Variants in KIF15 observed in about 807,000 individuals in gnomAD.
KIF15 encodes the protein kinesin-like protein KIF15.
In KIF15, 140 loss-of-function variants were observed where a neutral mutation model predicts 190.6. That is an observed-to-expected ratio of 0.73 (90% CI 0.64 to 0.84). The LOEUF (loss-of-function observed/expected upper bound fraction) is 0.84, where lower values mean the gene tolerates loss of function less well. KIF15 is among the 40% of genes least tolerant of loss of function. KIF15 has a pLI of 0.00. For synonymous variants in KIF15, 528 were observed against 551.3 expected (o/e 0.96, Z 0.59); for missense variants, 1,372 against 1,584.4 (o/e 0.87, Z 2.28).
intron 8 of KIF15, among the ~76,000 whole-genome samples, chr3:44,795,672 A>G (rs367990313): frequency 8.5e-5 from 9 of 105,348 alleles, no homozygotes; most frequent in African/African-American, 3.3e-4. Context: ...TGTATTGTCA[A>G]TATGTGTTTA....
chr3:44,779,288 C>T (rs1368276407), intron 4 of KIF15, among the ~76,000 whole-genome samples: 1 of 152,148 alleles, frequency 6.6e-6, no homozygotes, highest in Admixed American at 6.5e-5. Flanking sequence ...TAGAATCAGC[C>T]ATTTCACCAA....
chr3:44,862,103 C>G, intron 6 of KIF15: 4 of 1,254,296 alleles, frequency 3.2e-6, no homozygotes, highest in Non-Finnish European at 4.0e-6. Flanking sequence ...GCCAAGCTGG[C>G]CTTCGGCAGC....
At chr3:44,762,313 A>C (rs1705187088) in intron 1 of KIF15, among the ~76,000 whole-genome samples, 1 of 152,164 alleles carries the variant, frequency 6.6e-6, no homozygotes, top group South Asian at 2.1e-4. Context: ...GGGTTTATTT[A>C]TATTCCAAAC....
At chr3:44,866,602 A>G (rs1372285818) in intron 6 of KIF15, among the ~76,000 whole-genome samples, 1 of 152,198 alleles carries the variant, frequency 6.6e-6, no homozygotes, top group Admixed American at 6.5e-5. Context: ...CCAGGAGGCT[A>G]GGAGAGCGAA....
Position 44,813,156 on chromosome 3 carries a change from CA to C in KIF15, c.2361del (p.Glu788ArgfsTer9), listed in dbSNP as rs1235472260. The C allele has an allele frequency of 1.9e-6, 3 of 1,599,846 alleles. No homozygotes were observed. The highest frequency in any genetic ancestry group is 2.6e-6 in the Non-Finnish European group (3 of 1,173,996). On this transcript the variant is annotated frameshift_variant, in exon 19 of 35. Coordinates refer to ENST00000326047, the MANE Select transcript of KIF15 (RefSeq NM_020242.3). LOFTEE classifies it high-confidence loss of function. ...SQLNVLEKQL[Q>X]ETQTKNDFLK... ...GTTGAATGTCCTTGAAAAGCAGCTT[CA>C]AGAGACTCAAACTAAAAATGACTGT... is the stretch of plus-strand genomic sequence containing the variant.
chr3:44,821,055 T>A lies in KIF15; in HGVS notation c.2550-4984T>A, dbSNP rs6797408. 1.1e-4 allele frequency among the ~76,000 whole-genome samples: 13 copies of A among 114,562 alleles called. 1 individual carries two copies. The highest frequency in any genetic ancestry group is 4.4e-4 in the African/African-American group (12 of 27,494). 75.2% of individuals were successfully genotyped at this position (114,562 alleles called of 152,430 possible). A position where few individuals can be genotyped will look rare whatever the true frequency, so the allele number is the denominator to read the frequency against. On this transcript the variant is annotated intron_variant, in intron 20 of 34. Transcript: ENST00000326047. Reference sequence around the variant, plus strand: ...CTGACCCCCCCACCTCCCTCCCGGATGGGGCGGCAGGCCGGGTGGCGGGCT... The same window carrying A: ...CTGACCCCCCCACCTCCCTCCCGGAAGGGGCGGCAGGCCGGGTGGCGGGCT...
chr3:44,864,197 G>A (rs1352670857), intron 6 of KIF15: 1 of 1,613,890 alleles, frequency 6.2e-7, no homozygotes, highest in Admixed American at 1.7e-5. Context: ...TCTCCTGCAG[G>A]TGAGCATGGG....
At chr3:44,796,921 C>CT (rs1156880319) in intron 8 of KIF15, among the ~76,000 whole-genome samples, 10 of 151,966 alleles carry the variant, frequency 6.6e-5, no homozygotes, top group African/African-American at 2.4e-4. Context: ...ACTACTCTAG[C>CT]TTTTTTTTCC....
intron 29 of KIF15, 113 bp from the exon 30 acceptor site, chr3:44,843,012 T>G: frequency 1.5e-6 from 1 of 686,200 alleles, no homozygotes. Context: ...CCCAGTGCAG[T>G]GTCTCTGCAT....
chr3:44,829,694 G>GTA (rs566506431), intron 24 of KIF15, among the ~76,000 whole-genome samples: 2 of 129,550 alleles, frequency 1.5e-5, no homozygotes, highest in Admixed American at 8.7e-5. Context: ...TATTATAGAT[G>GTA]TATATATATT....
At chr3:44,806,891 G>A (rs1198639205) in intron 16 of KIF15, among the ~76,000 whole-genome samples, 2 of 151,848 alleles carry the variant, frequency 1.3e-5, no homozygotes, top group Non-Finnish European at 2.9e-5. Context: ...GATTACAGGC[G>A]CCTGCCACCA....
At chr3:44,778,588 C>T (rs1348944959) in intron 4 of KIF15, among the ~76,000 whole-genome samples, 1 of 152,150 alleles carries the variant, frequency 6.6e-6, no homozygotes, top group African/African-American at 2.4e-5. Flanking sequence ...ATTGGCCCCT[C>T]CTGGCTATCA....
At chr3:44,771,025 C>G in intron 1 of KIF15, among the ~76,000 whole-genome samples, 1 of 152,112 alleles carries the variant, frequency 6.6e-6, no homozygotes, top group East Asian at 1.9e-4. Flanking sequence ...ATTCTAATGT[C>G]TCAATCTCCA....
Position 44,761,957 on chromosome 3 carries a change from G to A in KIF15, c.19+73G>A. 3.8e-6 allele frequency: 6 copies of A among 1,598,426 alleles called. No individual in the cohort carries two copies. The South Asian group carries it at 6.6e-5, about 18-fold the overall frequency. The stretch of plus-strand genomic sequence containing the variant: ...CAGCTGTGAAAGGATGGCAGCCTCG[G>A]ACCGCCCGCAAGGTTCTTGCTAGGC... On this transcript the variant is annotated intron_variant, in intron 1 of 34. Transcript: ENST00000326047.
In KIF15 at chr3:44,763,905, C is replaced by G. The variant is rs147938898; in HGVS notation, c.19+2021C>G. The stretch of plus-strand genomic sequence containing the variant: ...GTTTCACCATGTTGCCCAGGCTGGT[C>G]TTGAACTCCTGAACTCAAGCAATCC... On this transcript the variant is annotated intron_variant, in intron 1 of 34. Coordinates refer to ENST00000326047, the MANE Select transcript of KIF15 (RefSeq NM_020242.3). 7.1e-3 allele frequency among the ~76,000 whole-genome samples: 1,075 copies of G among 151,966 alleles called. 3 individuals are homozygous for G. Among genetic ancestry groups the G allele is most frequent in the Middle Eastern group, 0.017 (5 of 292 alleles).
intron 23 of KIF15, among the ~76,000 whole-genome samples, chr3:44,827,782 A>G (rs1697753774): frequency 6.6e-6 from 1 of 152,090 alleles, no homozygotes; most frequent in African/African-American, 2.4e-5. Context: ...TCCCAAGCTC[A>G]GGTGATTTTC....
In KIF15 at chr3:44,845,108, G is replaced by T. The variant is rs955916777; in HGVS notation, c.3695+1874G>T. 3.3e-5 allele frequency among the ~76,000 whole-genome samples: 5 copies of T among 152,216 alleles called. No homozygotes were observed. In the East Asian group the frequency reaches 9.6e-4, roughly 29 times the overall value. ...TTTACTTTTTTAACCTTTGAGGACA[G>T]CCATGACTCTGCGAATAAGATTGTC... On this transcript the variant is annotated intron_variant, in intron 30 of 34. Transcript: ENST00000326047.
At position 44,852,746 on chromosome 3, in the gene KIF15, C is replaced by T. The variant is rs1029949124; in HGVS notation, c.*11C>T. ...AGAAGTGAATCTTGAGGATTCCGGTCAGCTACCTAGGCATCACCTTGTTTG... is the reference window on the plus strand; with the variant it reads ...AGAAGTGAATCTTGAGGATTCCGGTTAGCTACCTAGGCATCACCTTGTTTG... On this transcript the variant is annotated 3_prime_UTR_variant, in exon 35 of 35. Transcript: ENST00000326047. 3.8e-6 allele frequency: 6 copies of T among 1,588,182 alleles called. No homozygotes were observed. The highest frequency in any genetic ancestry group is 5.1e-6 in the Non-Finnish European group (6 of 1,170,300).
chr3:44,790,570 A>G (rs1442349516), intron 7 of KIF15, among the ~76,000 whole-genome samples: 1 of 151,608 alleles, frequency 6.6e-6, no homozygotes, highest in Admixed American at 6.6e-5. Flanking sequence ...TTATTTATTG[A>G]TTCTGTACTT....
Sources: gnomAD v4.1 joint callset for allele counts (sites outside exome capture counted in the v4.1 genomes callset) on GRCh38, gnomAD v4.1.1 for gene constraint, MANE v1.5 for transcripts, NCBI Gene and HGNC (gene_info 2026-07-23, HGNC 2026-07-21) for gene names.